ZDHHC17: variants seen among roughly 807,000 people sequenced by gnomAD.
The protein encoded by ZDHHC17 is palmitoyltransferase ZDHHC17.
ZDHHC17 carries 40 observed loss-of-function variants against 90.3 expected under a neutral mutation model. The observed-to-expected ratio is 0.44, with a 90% CI of 0.34 to 0.58. The LOEUF is 0.58. Ranked by LOEUF, ZDHHC17 falls within the 20% of genes least tolerant of loss-of-function variation. The probability of loss-of-function intolerance (pLI) is 0.01; values close to 1 mark genes in which losing one functional copy is unlikely to be tolerated. For synonymous variants in ZDHHC17, 235 were observed against 252.4 expected, an observed-to-expected ratio of 0.93 and a Z score of 0.65; for missense variants, 614 against 780.8, an observed-to-expected ratio of 0.79 and a Z score of 2.55.
chr12:76,841,524 A>G (rs1473003112), intron 10 of ZDHHC17, among the ~76,000 whole-genome samples: 2 of 152,134 alleles, frequency 1.3e-5, no homozygotes, highest in Non-Finnish European at 2.9e-5. Flanking sequence ...AAGCAAGCTT[A>G]TATTTTTTCT....
intron 5 of ZDHHC17, 54 bp from the exon 6 acceptor site, chr12:76,815,092 T>G (rs373637853): frequency 2.3e-6 from 3 of 1,331,174 alleles, no homozygotes; most frequent in African/African-American, 3.0e-5. Flanking sequence ...CAAGCAAATT[T>G]GGTTAGGAAC....
chr12:76,797,892 C>T (rs1002583272), intron 2 of ZDHHC17, among the ~76,000 whole-genome samples: 16 of 151,250 alleles, frequency 1.1e-4, no homozygotes, highest in African/African-American at 3.6e-4. Context: ...TGCAGTGAGC[C>T]GAGATTGCGC....
chr12:76,788,119 A>G (rs142545173), intron 1 of ZDHHC17, among the ~76,000 whole-genome samples: 35 of 152,292 alleles, frequency 2.3e-4, no homozygotes, highest in African/African-American at 7.9e-4. Flanking sequence ...CTACACATAC[A>G]TTGTGGGTGG....
chr12:76,792,165 A>C (rs1053981020), intron 1 of ZDHHC17, among the ~76,000 whole-genome samples: 1 of 152,114 alleles, frequency 6.6e-6, no homozygotes, highest in African/African-American at 2.4e-5. Context: ...AGTTTATGCT[A>C]TATAGGCTCC....
chr12:76,840,380 T>C (rs1953418901), intron 10 of ZDHHC17: 1 of 151,350 alleles, frequency 6.6e-6, no homozygotes, highest in African/African-American at 2.4e-5. Flanking sequence ...CTCACTCTGT[T>C]GTCCAGGCTG....
intron 5 of ZDHHC17, among the ~76,000 whole-genome samples, chr12:76,811,440 C>T (rs944287283): frequency 2.7e-4 from 41 of 151,776 alleles, no homozygotes; most frequent in African/African-American, 9.9e-4. Flanking sequence ...TCTTCATGGT[C>T]TTTTTTTTAA....
In ZDHHC17 at chr12:76,828,507, A is replaced by T; in HGVS notation, c.1141+17A>T. On this transcript the variant is annotated intron_variant, in intron 10 of 16. Coordinates refer to ENST00000426126, the MANE Select transcript of ZDHHC17 (RefSeq NM_015336.4). ...TTTGGAATGATATCCTTTGGTTATA[A>T]AGATCATACCAAAAACAAATTTTGT... The T allele has an allele frequency of 6.2e-7, 1 of 1,608,884 alleles. No individual in the cohort carries two copies. Among genetic ancestry groups the T allele is most frequent in the Non-Finnish European group, 8.5e-7 (1 of 1,177,642 alleles).
chr12:76,825,340 A>G (rs1953217659), intron 8 of ZDHHC17, among the ~76,000 whole-genome samples: 1 of 152,218 alleles, frequency 6.6e-6, no homozygotes, highest in Non-Finnish European at 1.5e-5. Context: ...GGTGGTGGAT[A>G]GACTTCACTA....
chr12:76,826,955 G>A lies in ZDHHC17; in HGVS notation c.945G>A (p.Trp315Ter). ...TAGGAACTCCTTTCCTAGTTATTTGGCTGGTTGGGTTTATAGCAGACCTAA... is the reference window on the plus strand; with the variant it reads ...TAGGAACTCCTTTCCTAGTTATTTGACTGGTTGGGTTTATAGCAGACCTAA... ...VMLGTPFLVI[W>*]LVGFIADLNI... The change falls in exon 9 of 17, where the codon TGG (tryptophan) becomes TGA (stop). Residue 315 changes from tryptophan to a stop codon, truncating the protein, a stop_gained. Transcript: ENST00000426126. LOFTEE classifies it high-confidence loss of function. The A allele has an allele frequency of 1.3e-6, 2 of 1,535,790 alleles. No homozygotes were observed. Among genetic ancestry groups the A allele is most frequent in the Non-Finnish European group, 8.7e-7 (1 of 1,153,172 alleles).
intron 10 of ZDHHC17, among the ~76,000 whole-genome samples, chr12:76,832,803 A>G (rs896397571): frequency 6.6e-6 from 1 of 152,240 alleles, no homozygotes; most frequent in Admixed American, 6.5e-5. Flanking sequence ...TAAATAGACC[A>G]TGTAAAGGAC....
intron 2 of ZDHHC17, among the ~76,000 whole-genome samples, chr12:76,801,551 G>C (rs1009435894): frequency 6.6e-6 from 1 of 152,066 alleles, no homozygotes; most frequent in Admixed American, 6.5e-5. Flanking sequence ...CTACTCGGGA[G>C]GCTGAAGCAG....
intron 1 of ZDHHC17, among the ~76,000 whole-genome samples, chr12:76,768,611 T>C (rs1422758927): frequency 6.6e-6 from 1 of 152,188 alleles, no homozygotes; most frequent in Non-Finnish European, 1.5e-5. Context: ...ATTCCTGTCA[T>C]TTAGAGTGGT....
chr12:76,815,321 A>G (rs1001885885), intron 6 of ZDHHC17, 111 bp downstream of exon 6: 16 of 587,846 alleles, frequency 2.7e-5, no homozygotes, highest in Non-Finnish European at 4.4e-5. Flanking sequence ...TACAGTTTTT[A>G]TTATGACTAT....
At chr12:76,827,103 T>C (rs918715607) in intron 9 of ZDHHC17, 53 bp downstream of exon 9, 1 of 1,478,750 alleles carries the variant, frequency 6.8e-7, no homozygotes, top group Non-Finnish European at 8.9e-7. Context: ...ATAATATAAT[T>C]TGTACTCTTG....
chr12:76,827,533 AC>A (rs767845782), intron 9 of ZDHHC17, among the ~76,000 whole-genome samples: 12 of 151,964 alleles, frequency 7.9e-5, no homozygotes, highest in Non-Finnish European at 7.4e-5. Context: ...TTTTCTTTAA[AC>A]ATCATGATCA....
intron 7 of ZDHHC17, 103 bp from the exon 8 acceptor site, chr12:76,822,303 G>A (rs1953172927): frequency 7.6e-6 from 11 of 1,451,746 alleles, no homozygotes; most frequent in East Asian, 4.8e-5. Flanking sequence ...TCAAAACAAC[G>A]TTAATAGGGC....
rs367744270 is a variant in ZDHHC17 at position 76,827,084 on chromosome 12, G to A, written c.1040+34G>A. The A allele has an allele frequency of 2.8e-4, 431 of 1,520,642 alleles. 1 individual carries two copies. The highest frequency in any genetic ancestry group is 3.4e-4 in the Non-Finnish European group (392 of 1,146,626). The allele number at this position is 1,520,642 out of a possible 1,614,324, so 94.2% of individuals were successfully genotyped here. A position where few individuals can be genotyped will look rare whatever the true frequency, so the allele number is the denominator to read the frequency against. On this transcript the variant is annotated intron_variant, in intron 9 of 16. Transcript: ENST00000426126. ...GTTGTTTTTAACTATATTTTAAACT[G>A]TACATGAAATAATATAATTTGTACT...
intron 1 of ZDHHC17, chr12:76,764,946 G>A (rs751306115): frequency 4.6e-6 from 2 of 434,584 alleles, no homozygotes; most frequent in Non-Finnish European, 9.3e-6. Context: ...TCAAAGTACC[G>A]TTTTTCTAGG....
rs142283525 is a variant in ZDHHC17 at position 76,813,900 on chromosome 12, G to A, written c.544-1246G>A. On this transcript the variant is annotated intron_variant, in intron 5 of 16. Coordinates refer to ENST00000426126, the MANE Select transcript of ZDHHC17 (RefSeq NM_015336.4). ...AAGTAATTTAGCCTACAATCTCATA[G>A]CAATTATATGATGGAGCTAGGAAGT... Among the ~76,000 whole-genome samples, 99 of 152,152 alleles carry A rather than the reference G, an allele frequency of 6.5e-4. 1 individual carries two copies. The highest frequency in any genetic ancestry group is 2.1e-3 in the African/African-American group (86 of 41,528).
Sources: allele counts gnomAD v4.1 joint callset (sites outside exome capture counted in the v4.1 genomes callset), GRCh38; gene constraint gnomAD v4.1.1; transcripts MANE v1.5; gene names NCBI Gene and HGNC (gene_info 2026-07-23, HGNC 2026-07-21).